Variants in PDE3B observed in about 807,000 individuals in gnomAD.
The protein encoded by PDE3B is phosphodiesterase 3B.
A neutral mutation model predicts 116.8 loss-of-function variants in PDE3B; 66 were observed. That is an observed-to-expected ratio of 0.56 (90% CI 0.46 to 0.69). The LOEUF is 0.69. Ranked by LOEUF, PDE3B falls within the 30% of genes least tolerant of loss-of-function variation. The pLI, the probability that PDE3B is intolerant of heterozygous loss-of-function variation, is 0.00. For synonymous variants in PDE3B, 595 were observed against 533.6 expected (o/e 1.12, Z -1.59); for missense variants, 1,384 against 1,368.1 (o/e 1.01, Z -0.18).
chr11:14,788,193 G>A (rs1260814722), intron 3 of PDE3B, among the ~76,000 whole-genome samples: 1 of 151,756 alleles, frequency 6.6e-6, no homozygotes, highest in East Asian at 1.9e-4. Flanking sequence ...TTTTGGAAAA[G>A]CATATAAAAA....
intron 1 of PDE3B, among the ~76,000 whole-genome samples, chr11:14,758,137 G>T (rs1363544082): frequency 3.9e-5 from 6 of 152,124 alleles, no homozygotes; most frequent in Admixed American, 3.9e-4. Context: ...TATTTCTGAG[G>T]ACTCTGTTCT....
intron 1 of PDE3B, among the ~76,000 whole-genome samples, chr11:14,714,191 G>A (rs767089415): frequency 5.9e-5 from 9 of 151,996 alleles, no homozygotes; most frequent in Non-Finnish European, 8.8e-5. Flanking sequence ...CAGTCCAGGG[G>A]AGGGGAGGGT....
chr11:14,652,368 T>C (rs1460143104), intron 1 of PDE3B, among the ~76,000 whole-genome samples: 2 of 152,190 alleles, frequency 1.3e-5, no homozygotes, highest in Non-Finnish European at 2.9e-5. Flanking sequence ...AGTACCACAC[T>C]GTTTTGATTA....
At chr11:14,677,649 C>G (rs1215606519) in intron 1 of PDE3B, among the ~76,000 whole-genome samples, 1 of 151,918 alleles carries the variant, frequency 6.6e-6, no homozygotes, top group Non-Finnish European at 1.5e-5. Context: ...TAGAGTTGTC[C>G]CATTACTTCC....
Position 14,861,214 on chromosome 11 carries a change from G to A in PDE3B, c.2734G>A (p.Val912Ile), listed in dbSNP as rs373423660. Residue 912 changes from valine to isoleucine, a missense_variant, in exon 14 of 16, where the codon GTA becomes ATA. By Grantham distance (29) the Val-to-Ile change is conservative (BLOSUM62 3). This residue lies in a region of PDE3B where 428 missense variants were observed against 561.4 expected (regional missense o/e 0.76). Transcript: ENST00000282096. ...TGTTTTTCCAAAATAGGCAAATGAT[G>A]TAAATAGTAATGGCATAGAATGGAG... is the stretch of plus-strand genomic sequence containing the variant. Reference protein sequence around the residue: ...LAEFNAKANDVNSNGIEWSNE... With the variant: ...LAEFNAKANDINSNGIEWSNE... 5.6e-6 allele frequency: 9 copies of A among 1,610,794 alleles called. No homozygotes were observed. Among genetic ancestry groups the A allele is most frequent in the Non-Finnish European group, 7.6e-6 (9 of 1,177,924 alleles).
intron 1 of PDE3B, among the ~76,000 whole-genome samples, chr11:14,748,697 T>C (rs1198829398): frequency 1.3e-5 from 2 of 152,186 alleles, no homozygotes; most frequent in Non-Finnish European, 2.9e-5. Flanking sequence ...TTCTAACTTA[T>C]TTAGTTCTCT....
intron 15 of PDE3B, among the ~76,000 whole-genome samples, chr11:14,868,711 A>G (rs1555008503): frequency 1.3e-5 from 2 of 152,078 alleles, no homozygotes; most frequent in Non-Finnish European, 2.9e-5. Context: ...ACTACAAAGA[A>G]CCTCCCACTG....
chr11:14,821,905 ATT>A (rs5789850), intron 7 of PDE3B, among the ~76,000 whole-genome samples: 22 of 142,556 alleles, frequency 1.5e-4, no homozygotes, highest in African/African-American at 2.6e-4. Context: ...ACTCTTAAGA[ATT>A]TTTTTTTTTT....
At chr11:14,689,581 ATATGATTAAAACAAT>A (rs1854989615) in intron 1 of PDE3B, among the ~76,000 whole-genome samples, 1 of 152,126 alleles carries the variant, frequency 6.6e-6, no homozygotes, top group Non-Finnish European at 1.5e-5. Flanking sequence ...AAGAGTGTAG[ATATGATTAAAACAAT>A]TAAGGACACA....
chr11:14,843,497 C>T (rs1308789852), intron 11 of PDE3B, among the ~76,000 whole-genome samples: 1 of 152,050 alleles, frequency 6.6e-6, no homozygotes, highest in African/African-American at 2.4e-5. Context: ...ATATCCTGGC[C>T]ATTGTATCTA....
At chr11:14,864,371 C>T (rs1848006168) in intron 14 of PDE3B, among the ~76,000 whole-genome samples, 1 of 152,064 alleles carries the variant, frequency 6.6e-6, no homozygotes, top group South Asian at 2.1e-4. Flanking sequence ...TTTTAACACC[C>T]CACTGTCAAT....
rs1284741573 is a variant in PDE3B at position 14,800,831 on chromosome 11, ATTTC to A, written c.1416-3110_1416-3107del. On this transcript the variant is annotated intron_variant, in intron 4 of 15. Coordinates refer to ENST00000282096, the MANE Select transcript of PDE3B (RefSeq NM_000922.4). Reference sequence around the variant, plus strand: ...ATTTGGTATTTTCACATAGTCCCTTATTTCTTGGAGGCTTTGTTCATTTCTTTTT... The same window carrying A: ...ATTTGGTATTTTCACATAGTCCCTTATTGGAGGCTTTGTTCATTTCTTTTT... Among the ~76,000 whole-genome samples, 27 of 151,890 alleles carry A rather than the reference ATTTC, an allele frequency of 1.8e-4. 1 individual carries two copies. In the East Asian group the frequency reaches 5.3e-3, roughly 30 times the overall value.
At chr11:14,825,828 T>G (rs1195925083) in intron 7 of PDE3B, among the ~76,000 whole-genome samples, 1 of 152,192 alleles carries the variant, frequency 6.6e-6, no homozygotes, top group Non-Finnish European at 1.5e-5. Context: ...CAACAGAATG[T>G]ACATTTTTCT....
chr11:14,675,311 C>G (rs1854499859), intron 1 of PDE3B, among the ~76,000 whole-genome samples: 2 of 151,808 alleles, frequency 1.3e-5, no homozygotes, highest in Admixed American at 6.6e-5. Flanking sequence ...GGGGTCGTTC[C>G]TTTATAATCT....
rs1856086148 is a variant in PDE3B, at chr11:14,721,597, A to G, written c.979-50340A>G. ...CACCATGGAATACTATGCAGCCATA[A>G]AAAAGGATGAGTTCATGTCCTTTCT... On this transcript the variant is annotated intron_variant, in intron 1 of 15. Transcript: ENST00000282096. 1.3e-5 allele frequency among the ~76,000 whole-genome samples: 2 copies of G among 150,586 alleles called. 1 individual carries two copies. The highest frequency in any genetic ancestry group is 2.9e-5 in the Non-Finnish European group (2 of 67,834).
intron 12 of PDE3B, among the ~76,000 whole-genome samples, chr11:14,851,611 T>C (rs765352872): frequency 6.6e-5 from 10 of 152,128 alleles, no homozygotes; most frequent in Non-Finnish European, 1.2e-4. Flanking sequence ...CAGAGGTAAC[T>C]TTCTGATTAA....
chr11:14,721,475 G>T (rs930852981), intron 1 of PDE3B, among the ~76,000 whole-genome samples: 1 of 151,334 alleles, frequency 6.6e-6, no homozygotes, highest in Non-Finnish European at 1.5e-5. Flanking sequence ...ACATGCACAC[G>T]TATGTTTATT....
At chr11:14,889,908 C>T in the PDE3B span, among the ~76,000 whole-genome samples, 4 of 152,100 alleles carry the variant, frequency 2.6e-5, no homozygotes, top group Non-Finnish European at 4.4e-5. Flanking sequence ...GCGGGCAGAT[C>T]ACGAGGTCAG....
At chr11:14,651,799 A>G (rs1169797115) in intron 1 of PDE3B, among the ~76,000 whole-genome samples, 1 of 152,196 alleles carries the variant, frequency 6.6e-6, no homozygotes, top group Non-Finnish European at 1.5e-5. Context: ...CCTCTGTCCT[A>G]TATCAAATTT....
Sources: allele counts gnomAD v4.1 joint callset (sites outside exome capture counted in the v4.1 genomes callset), GRCh38; gene constraint gnomAD v4.1.1; regional missense constraint gnomAD v4.1.1; transcripts MANE v1.5; gene names NCBI Gene and HGNC (gene_info 2026-07-23, HGNC 2026-07-21).